GOLGA4: variants seen among roughly 807,000 people sequenced by gnomAD.
GOLGA4 encodes golgin A4.
GOLGA4 carries 169 observed loss-of-function variants against 265.9 expected under a neutral mutation model. That is an observed-to-expected ratio of 0.64 (90% CI 0.56 to 0.72). The LOEUF is 0.72. GOLGA4 is among the 30% of genes least tolerant of loss of function. The pLI is 0.00. For synonymous variants in GOLGA4, 923 were observed against 855.8 expected (o/e 1.08, Z -1.37); for missense variants, 2,482 against 2,483.4 (o/e 1.00, Z 0.01).
chr3:37,261,178 AAAG>A (rs1027654228), intron 2 of GOLGA4, among the ~76,000 whole-genome samples: 2 of 152,160 alleles, frequency 1.3e-5, no homozygotes, highest in African/African-American at 4.8e-5. Flanking sequence ...CTCAAAAAAA[AAAG>A]AAAAAAGTCT....
Position 37,313,816 on chromosome 3 carries a change from G to A in GOLGA4, c.1235-1604G>A, listed in dbSNP as rs1250148335. On this transcript the variant is annotated intron_variant, in intron 10 of 23. Coordinates refer to ENST00000361924, the MANE Select transcript of GOLGA4 (RefSeq NM_002078.5). ...AAGTTGAAAATACCAATATCAACTTGTGAAGGGCTTATCCAGACATAACTT... is the reference window on the plus strand; with the variant it reads ...AAGTTGAAAATACCAATATCAACTTATGAAGGGCTTATCCAGACATAACTT... Among the ~76,000 whole-genome samples the A allele has an allele frequency of 2.6e-5, 4 of 152,166 alleles. No individual in the cohort carries two copies. The East Asian group carries it at 7.7e-4, about 29-fold the overall frequency.
chr3:37,365,987 A>G (rs1159447972), intron 23 of GOLGA4, 93 bp from the exon 24 acceptor site: 1 of 1,104,996 alleles, frequency 9.0e-7, no homozygotes, highest in African/African-American at 1.6e-5. Context: ...TTTTATTTCA[A>G]ACTTGAAAAA....
intron 11 of GOLGA4, 50 bp from the exon 12 acceptor site, chr3:37,319,013 A>C: frequency 7.7e-7 from 1 of 1,297,976 alleles, no homozygotes; most frequent in East Asian, 2.4e-5. Flanking sequence ...TTGTGGAGTT[A>C]CATATTTTAT....
chr3:37,279,615 G>A (rs1046389741), intron 2 of GOLGA4, among the ~76,000 whole-genome samples: 2 of 152,032 alleles, frequency 1.3e-5, no homozygotes, highest in Non-Finnish European at 2.9e-5. Context: ...ATGTTAAAAA[G>A]TCCTGCAGAG....
intron 9 of GOLGA4, among the ~76,000 whole-genome samples, chr3:37,299,778 A>G (rs945737342): frequency 6.6e-6 from 1 of 152,124 alleles, no homozygotes; most frequent in Non-Finnish European, 1.5e-5. Context: ...GGCTGGGCAC[A>G]GTGGCTCATG....
At chr3:37,346,363 T>TA (rs149187882) in intron 20 of GOLGA4, among the ~76,000 whole-genome samples, 1 of 152,016 alleles carries the variant, frequency 6.6e-6, no homozygotes, top group Non-Finnish European at 1.5e-5. Context: ...CTAGTTCCTT[T>TA]AAAAAAAATC....
At chr3:37,251,591 C>T (rs1418898929) in intron 2 of GOLGA4, 107 bp downstream of exon 2, 4 of 653,680 alleles carry the variant, frequency 6.1e-6, no homozygotes, top group Non-Finnish European at 1.1e-5. Context: ...CTATTTAATT[C>T]CTAGGTAGAG....
chr3:37,275,534 T>C (rs1158269868), intron 2 of GOLGA4, among the ~76,000 whole-genome samples: 2 of 151,938 alleles, frequency 1.3e-5, no homozygotes. Flanking sequence ...AAGAATATCA[T>C]TGGCCGCGGG....
chr3:37,291,023 G>A (rs1179081265), intron 5 of GOLGA4, among the ~76,000 whole-genome samples: 2 of 152,018 alleles, frequency 1.3e-5, no homozygotes, highest in Admixed American at 6.6e-5. Context: ...GTGTTGATAG[G>A]TATCTTGTAT....
intron 3 of GOLGA4, among the ~76,000 whole-genome samples, chr3:37,283,870 C>A (rs1216779561): frequency 6.6e-6 from 1 of 152,044 alleles, no homozygotes; most frequent in Non-Finnish European, 1.5e-5. Context: ...TGTACCATTC[C>A]CGTAGATGTT....
chr3:37,246,561 T>C (rs1204745423), intron 1 of GOLGA4, among the ~76,000 whole-genome samples: 1 of 151,836 alleles, frequency 6.6e-6, no homozygotes, highest in Non-Finnish European at 1.5e-5. Context: ...GTACCTAGAG[T>C]AGTCAAATTC....
chr3:37,307,445 A>G (rs2150894865), intron 10 of GOLGA4, among the ~76,000 whole-genome samples: 1 of 152,350 alleles, frequency 6.6e-6, no homozygotes, highest in East Asian at 1.9e-4. Context: ...TAATTTATGT[A>G]ACAAAATTTT....
chr3:37,310,293 AT>A (rs1240863561), intron 10 of GOLGA4, among the ~76,000 whole-genome samples: 1 of 152,160 alleles, frequency 6.6e-6, no homozygotes, highest in Non-Finnish European at 1.5e-5. Context: ...ATTATAATTG[AT>A]TAGGATACTC....
chr3:37,299,015 A>T lies in GOLGA4; in HGVS notation c.997A>T (p.Ile333Leu). 1 of 1,589,238 alleles carries T rather than the reference A, an allele frequency of 6.3e-7. No homozygotes were observed. The highest frequency in any genetic ancestry group is 2.2e-5 in the East Asian group (1 of 44,778). ...TGAAAGACTTCAAGAACTAGAAAAGATAAAGGTAAAAGAGCAGATGAGTTT... is the reference window on the plus strand; with the variant it reads ...TGAAAGACTTCAAGAACTAGAAAAGTTAAAGGTAAAAGAGCAGATGAGTTT... The part of the protein sequence containing the change: ...LDERLQELEK[I>L]KDLHMAEKTK... Residue 333 changes from isoleucine to leucine, a missense_variant, in exon 8 of 24, where the codon ATA (isoleucine) becomes TTA (leucine). Physicochemically the swap from Ile to Leu is conservative, Grantham distance 5 (BLOSUM62 2). Transcript: ENST00000361924.
intron 1 of GOLGA4, among the ~76,000 whole-genome samples, chr3:37,246,381 A>G (rs2096719686): frequency 6.6e-6 from 1 of 152,224 alleles, no homozygotes; most frequent in Non-Finnish European, 1.5e-5. Context: ...GAACTAAGTC[A>G]ATAAAAGAAA....
intron 10 of GOLGA4, among the ~76,000 whole-genome samples, chr3:37,303,632 A>G (rs2096898770): frequency 6.6e-6 from 1 of 152,216 alleles, no homozygotes; most frequent in South Asian, 2.1e-4. Context: ...AAATTGGAAC[A>G]TCTTTCAGGA....
chr3:37,262,087 TAA>T (rs2096771202), intron 2 of GOLGA4, among the ~76,000 whole-genome samples: 1 of 152,188 alleles, frequency 6.6e-6, no homozygotes, highest in African/African-American at 2.4e-5. Flanking sequence ...GAAATTACTT[TAA>T]AACAACTTTC....
intron 10 of GOLGA4, among the ~76,000 whole-genome samples, chr3:37,310,097 A>G (rs2096918972): frequency 6.6e-6 from 1 of 152,208 alleles, no homozygotes; most frequent in Non-Finnish European, 1.5e-5. Context: ...TCTTCATGTC[A>G]TTAACCAGCT....
intron 10 of GOLGA4, among the ~76,000 whole-genome samples, chr3:37,306,658 T>C (rs2096907268): frequency 6.6e-6 from 1 of 152,122 alleles, no homozygotes; most frequent in Non-Finnish European, 1.5e-5. Flanking sequence ...TAGTGTTTTC[T>C]CTAATTTTTT....
Sources: allele counts gnomAD v4.1 joint callset (sites outside exome capture counted in the v4.1 genomes callset), GRCh38; gene constraint gnomAD v4.1.1; transcripts MANE v1.5; gene names NCBI Gene and HGNC (gene_info 2026-07-23, HGNC 2026-07-21).